MNT: variants seen among roughly 807,000 people sequenced by gnomAD.
The protein encoded by MNT is MAX network transcriptional repressor.
MNT carries 13 observed loss-of-function variants against 40.7 expected under a neutral mutation model. The observed-to-expected ratio is 0.32, with a 90% confidence interval of 0.21 to 0.51. MNT has a LOEUF of 0.51. Ranked by LOEUF, MNT falls within the 20% of genes least tolerant of loss-of-function variation. MNT has a pLI of 0.98. For synonymous variants in MNT, 426 were observed against 354.8 expected, an observed-to-expected ratio of 1.20 and a Z score of -2.26; for missense variants, 757 against 792.0, an observed-to-expected ratio of 0.96 and a Z score of 0.53.
intron 4 of MNT, among the ~76,000 whole-genome samples, chr17:2,393,070 G>A (rs967444921): frequency 3.3e-5 from 5 of 151,984 alleles, no homozygotes; most frequent in African/African-American, 4.8e-5. Flanking sequence ...CTCCCACGGG[G>A]CCCGTGACGC....
At chr17:2,388,100 G>T in intron 4 of MNT, 51 bp from the exon 5 acceptor site, 1 of 1,488,858 alleles carries the variant, frequency 6.7e-7, no homozygotes, top group Non-Finnish European at 9.0e-7. Flanking sequence ...CAGCCTTGGG[G>T]CCCAAAGCCC....
chr17:2,386,581 C>G lies in MNT; in HGVS notation c.*320G>C. 1 of 315,244 alleles carries G rather than the reference C, an allele frequency of 3.2e-6. No individual in the cohort carries two copies. The highest frequency in any genetic ancestry group is 2.1e-5 in the African/African-American group (1 of 46,584). 19.5% of individuals were successfully genotyped at this position (315,244 alleles called of 1,614,324 possible). A position where few individuals can be genotyped will look rare whatever the true frequency, so the allele number is the denominator to read the frequency against. On this transcript the variant is annotated 3_prime_UTR_variant, in exon 6 of 6. Coordinates refer to ENST00000174618, the MANE Select transcript of MNT (RefSeq NM_020310.3). ...GCAGGGCGGGGGAGAAGTCAGGGAG[C>G]GTGACGTCCACATCGCACTGATTTC... is the stretch of plus-strand genomic sequence containing the variant.
chr17:2,399,705 T>C (rs1221830860), intron 1 of MNT, among the ~76,000 whole-genome samples: 2 of 151,888 alleles, frequency 1.3e-5, no homozygotes, highest in African/African-American at 2.4e-5. Context: ...GGCCGCGCCG[T>C]CCCCAGCAGG....
intron 4 of MNT, among the ~76,000 whole-genome samples, chr17:2,393,595 G>A (rs944844965): frequency 2.6e-5 from 4 of 152,206 alleles, no homozygotes; most frequent in Admixed American, 1.3e-4. Context: ...CAGCGTGGAC[G>A]GGGACCACGC....
At chr17:2,394,279 A>ACGCACG (rs757097309) in intron 3 of MNT, 26 bp downstream of exon 3, 39 of 726,438 alleles carry the variant, frequency 5.4e-5, no homozygotes, top group African/African-American at 5.2e-4. Context: ...GCACGCACGC[A>ACGCACG]CACACACACA....
At position 2,387,138 on chromosome 17, in the gene MNT, C is replaced by T; in HGVS notation, c.1512G>A (p.Leu504=). 6.3e-7 allele frequency: 1 copy of T among 1,595,872 alleles called. No homozygotes were observed. Among genetic ancestry groups the T allele is most frequent in the Non-Finnish European group, 8.5e-7 (1 of 1,172,398 alleles). Residue 504 remains leucine (L), a synonymous_variant, in exon 6 of 6, where the codon CTG becomes CTA. Coordinates refer to ENST00000174618, the MANE Select transcript of MNT (RefSeq NM_020310.3). The part of the protein sequence containing the change: ...HPATLNHVAH[L]GSQLPLYPQP... Reference sequence around the variant, plus strand: ...GCGGGTACAAGGGCAGCTGGGAGCCCAGGTGGGCCACATGGTTGAGGGTGG... The same window carrying T: ...GCGGGTACAAGGGCAGCTGGGAGCCTAGGTGGGCCACATGGTTGAGGGTGG...
intron 4 of MNT, chr17:2,392,813 C>G (rs1025253160): frequency 6.6e-6 from 1 of 151,936 alleles, no homozygotes; most frequent in Non-Finnish European, 1.5e-5. Flanking sequence ...CCGCCCCTCC[C>G]GGCTGCCCGG....
At chr17:2,395,901 G>A (rs8068880) in intron 1 of MNT, among the ~76,000 whole-genome samples, 12,877 of 152,192 alleles carry the variant, frequency 0.085, 814 homozygotes, top group African/African-American at 0.17. Context: ...ACACCAGAGG[G>A]GGGGGTGTGC....
At chr17:2,395,475 G>T (rs368248365) in intron 1 of MNT, 21 bp from the exon 2 acceptor site, 10 of 1,608,820 alleles carry the variant, frequency 6.2e-6, no homozygotes, top group Admixed American at 1.7e-5. Context: ...AGAACACAAG[G>T]GGGGGAGGGT....
In MNT at chr17:2,386,669, A is replaced by G. The variant is rs918486266; in HGVS notation, c.*232T>C. The G allele has an allele frequency of 4.3e-6, 2 of 463,752 alleles. No homozygotes were observed. The highest frequency in any genetic ancestry group is 7.5e-6 in the Non-Finnish European group (2 of 265,592). The allele number at this position is 463,752 out of a possible 1,614,324, so 28.7% of individuals were successfully genotyped here. On this transcript the variant is annotated 3_prime_UTR_variant, in exon 6 of 6. Coordinates refer to ENST00000174618, the MANE Select transcript of MNT (RefSeq NM_020310.3). ...TGGCACTGGGCCGGACAGGTGGCAC[A>G]TTCCATCAGAGTCTCGCATTTTCTC...
At chr17:2,388,946 C>G (rs904671725) in intron 4 of MNT, among the ~76,000 whole-genome samples, 3 of 152,214 alleles carry the variant, frequency 2.0e-5, no homozygotes, top group Non-Finnish European at 4.4e-5. Context: ...TGCTCTCGAG[C>G]TCCTAGCTTC....
At chr17:2,397,618 G>A (rs1321565254) in intron 1 of MNT, among the ~76,000 whole-genome samples, 1 of 152,082 alleles carries the variant, frequency 6.6e-6, no homozygotes, top group Non-Finnish European at 1.5e-5. Context: ...CCAGAACCAC[G>A]CCGGTACACC....
chr17:2,391,698 C>A, intron 4 of MNT: 1 of 152,584 alleles, frequency 6.6e-6, no homozygotes. Context: ...CTGCAGCTTC[C>A]TGCTCTCAGC....
intron 1 of MNT, 193 bp downstream of exon 1, chr17:2,400,447 A>C: frequency 1.1e-4 from 50 of 464,588 alleles, no homozygotes; most frequent in Non-Finnish European, 1.4e-4. Context: ...GCAGCATGTT[A>C]ATGAATTCAT....
chr17:2,399,679 C>T (rs1299271364), intron 1 of MNT, among the ~76,000 whole-genome samples: 3 of 152,022 alleles, frequency 2.0e-5, no homozygotes, highest in African/African-American at 7.2e-5. Flanking sequence ...GAGCGCGAGG[C>T]GGTGAGGAGG....
In MNT at chr17:2,387,538, G is replaced by C. The variant is rs779028423; in HGVS notation, c.1112C>G (p.Pro371Arg). Residue 371 changes from proline to arginine, a missense_variant, in exon 6 of 6, where the codon CCC becomes CGC. Physicochemically the swap from Pro to Arg is moderately radical, Grantham distance 103 (BLOSUM62 -2). This residue lies in a region of MNT where 345 missense variants were observed against 380.1 expected (regional missense o/e 0.91). Coordinates refer to ENST00000174618, the MANE Select transcript of MNT (RefSeq NM_020310.3). ...PELLKSTLPPPSTTPAPLPPH... is the reference protein window; with the variant it reads ...PELLKSTLPPRSTTPAPLPPH... ...AGGCAGAGGCGCAGGGGTGGTGCTG[G>C]GGGGTGGCAGGGTGGACTTCAGCAG... The C allele has an allele frequency of 6.2e-7, 1 of 1,613,820 alleles. No homozygotes were observed. The highest frequency in any genetic ancestry group is 1.1e-5 in the South Asian group (1 of 91,078).
chr17:2,395,813 G>A lies in MNT; in HGVS notation c.74-359C>T, dbSNP rs192572468. On this transcript the variant is annotated intron_variant, in intron 1 of 5. Coordinates refer to ENST00000174618, the MANE Select transcript of MNT (RefSeq NM_020310.3). ...CAGCCTGCAGGGTGAGGAGGAAGGC[G>A]GGTGAGGGCAGCGAGGGTCAGGGGA... 9.9e-5 allele frequency among the ~76,000 whole-genome samples: 15 copies of A among 151,766 alleles called. No homozygotes were observed. In the East Asian group the frequency reaches 1.4e-3, roughly 14 times the overall value.
intron 1 of MNT, 64 bp from the exon 2 acceptor site, chr17:2,395,518 CG>C: frequency 6.3e-7 from 1 of 1,596,712 alleles, no homozygotes. Context: ...AGCCCTAACT[CG>C]TCCTCTGACC....
chr17:2,394,230 T>TGGGGCCG lies in MNT; in HGVS notation c.695+68_695+74dup, dbSNP rs773533027. On this transcript the variant is annotated intron_variant, in intron 3 of 5. Coordinates refer to ENST00000174618, the MANE Select transcript of MNT (RefSeq NM_020310.3). The stretch of plus-strand genomic sequence containing the variant: ...CGGGGGGAGGCAGGACCGGGGAAGC[T>TGGGGCCG]GGGGCCGAGGGCCGCCGGGGCCCGG... 158 of 1,568,036 alleles carry TGGGGCCG rather than the reference T, an allele frequency of 1.0e-4. No homozygotes were observed. In the African/African-American group the frequency reaches 1.6e-3, roughly 15 times the overall value.
Sources: allele counts gnomAD v4.1 joint callset (sites outside exome capture counted in the v4.1 genomes callset), GRCh38; gene constraint gnomAD v4.1.1; regional missense constraint gnomAD v4.1.1; transcripts MANE v1.5; gene names NCBI Gene and HGNC (gene_info 2026-07-23, HGNC 2026-07-21).